The following DPP10 variants were observed in gnomAD, a reference collection of about 807,000 sequenced individuals.
DPP10 encodes the protein dipeptidyl peptidase like 10, also known as inactive dipeptidyl peptidase 10.
Under a neutral mutation model 120.9 loss-of-function variants are expected in DPP10, and 33 were observed. The observed-to-expected ratio is 0.27, with a 90% confidence interval of 0.21 to 0.37. The LOEUF is 0.37. Ranked by LOEUF, DPP10 falls within the 10% of genes least tolerant of loss-of-function variation. The pLI is 1.00. For missense variants in DPP10, 816 were observed against 942.8 expected (o/e 0.87, Z 1.76); for synonymous variants, 337 against 326.1 (o/e 1.03, Z -0.36).
chr2:115,570,116 C>G (rs1257713875), intron 5 of DPP10, among the ~76,000 whole-genome samples: 1 of 152,148 alleles, frequency 6.6e-6, no homozygotes, highest in Non-Finnish European at 1.5e-5. Flanking sequence ...TCTGAGGAGT[C>G]TTTATTCCTG....
At chr2:115,321,472 T>A (rs911566635) in intron 2 of DPP10, among the ~76,000 whole-genome samples, 1 of 151,532 alleles carries the variant, frequency 6.6e-6, no homozygotes, top group African/African-American at 2.4e-5. Context: ...TCTTATCTTC[T>A]GCGTATTTTA....
chr2:115,189,482 AC>A (rs1238832112), intron 1 of DPP10, among the ~76,000 whole-genome samples: 1 of 152,206 alleles, frequency 6.6e-6, no homozygotes, highest in Non-Finnish European at 1.5e-5. Context: ...GGTGAAGAGA[AC>A]CAGGAAGTTA....
intron 1 of DPP10, among the ~76,000 whole-genome samples, chr2:114,596,324 A>T (rs1296975437): frequency 2.0e-5 from 3 of 151,856 alleles, no homozygotes; most frequent in Non-Finnish European, 4.4e-5. Flanking sequence ...CCCTATATAT[A>T]TTCATGGTGA....
intron 1 of DPP10, among the ~76,000 whole-genome samples, chr2:114,834,228 G>C (rs1344835757): frequency 1.0e-5 from 1 of 97,394 alleles, no homozygotes; most frequent in Non-Finnish European, 2.1e-5. Context: ...TATATATATA[G>C]GCCATATCTA....
intron 1 of DPP10, among the ~76,000 whole-genome samples, chr2:114,562,593 G>T (rs1688854557): frequency 6.6e-6 from 1 of 152,124 alleles, no homozygotes; most frequent in Non-Finnish European, 1.5e-5. Flanking sequence ...CCATTTTACA[G>T]CCTGTAAAGT....
intron 5 of DPP10, among the ~76,000 whole-genome samples, chr2:115,632,771 G>T (rs1403865166): frequency 6.6e-6 from 1 of 152,124 alleles, no homozygotes; most frequent in African/African-American, 2.4e-5. Flanking sequence ...GTGGGCAAAG[G>T]ATATGAACAG....
chr2:115,223,081 G>T (rs1390068909), intron 1 of DPP10, among the ~76,000 whole-genome samples: 1 of 152,000 alleles, frequency 6.6e-6, no homozygotes, highest in Admixed American at 6.6e-5. Flanking sequence ...AGGGGTTGGG[G>T]CTTCCTTGCT....
chr2:115,607,908 AATTTT>A (rs1324455816), intron 5 of DPP10, among the ~76,000 whole-genome samples: 1 of 152,200 alleles, frequency 6.6e-6, no homozygotes, highest in Non-Finnish European at 1.5e-5. Flanking sequence ...CTTAAAGATT[AATTTT>A]AGAATACTTA....
chr2:115,433,720 T>C (rs1371562441), intron 3 of DPP10, among the ~76,000 whole-genome samples: 1 of 152,006 alleles, frequency 6.6e-6, no homozygotes, highest in African/African-American at 2.4e-5. Flanking sequence ...TCAGTATTTT[T>C]CTCCTGGAGT....
intron 1 of DPP10, among the ~76,000 whole-genome samples, chr2:115,045,651 G>T (rs1705007998): frequency 6.6e-6 from 1 of 152,058 alleles, no homozygotes; most frequent in South Asian, 2.1e-4. Flanking sequence ...CCAGACCAGG[G>T]GACGGCGGAG....
intron 21 of DPP10, among the ~76,000 whole-genome samples, chr2:115,817,210 G>A (rs760111078): frequency 2.6e-5 from 4 of 151,696 alleles, no homozygotes; most frequent in Non-Finnish European, 5.9e-5. Flanking sequence ...TCGAGCCACC[G>A]CACTCCAGCC....
chr2:114,846,246 C>T (rs1019503522), intron 1 of DPP10, among the ~76,000 whole-genome samples: 2 of 152,152 alleles, frequency 1.3e-5, no homozygotes, highest in Non-Finnish European at 2.9e-5. Flanking sequence ...AATGCTGTCT[C>T]ACCCCAATGA....
intron 2 of DPP10, among the ~76,000 whole-genome samples, chr2:115,312,728 C>G (rs887272172): frequency 1.1e-4 from 17 of 152,124 alleles, no homozygotes; most frequent in Non-Finnish European, 2.1e-4. Context: ...ATTAAACATG[C>G]AGCATCATCC....
At chr2:115,240,604 T>TTC (rs1404085619) in intron 1 of DPP10, among the ~76,000 whole-genome samples, 1 of 152,324 alleles carries the variant, frequency 6.6e-6, no homozygotes, top group Non-Finnish European at 1.5e-5. Context: ...TGCTCATAGT[T>TTC]TCTTTTGCTG....
At chr2:114,604,419 G>A (rs554516417) in intron 1 of DPP10, among the ~76,000 whole-genome samples, 11 of 151,996 alleles carry the variant, frequency 7.2e-5, no homozygotes, top group Non-Finnish European at 1.0e-4. Flanking sequence ...ACATAGTTGC[G>A]TGCCAGGACA....
At chr2:115,828,100 A>G (rs1464770390) in intron 21 of DPP10, among the ~76,000 whole-genome samples, 23 of 151,842 alleles carry the variant, frequency 1.5e-4, no homozygotes, top group Admixed American at 1.5e-3. Context: ...TCCAGCTCTA[A>G]TGTGTCTTTA....
intron 1 of DPP10, among the ~76,000 whole-genome samples, chr2:114,463,617 G>A (rs990911012): frequency 6.6e-6 from 1 of 152,106 alleles, no homozygotes; most frequent in Non-Finnish European, 1.5e-5. Context: ...GTCGAAGTGT[G>A]CATTTCATCC....
At chr2:114,448,331 G>C (rs932483764) in intron 1 of DPP10, among the ~76,000 whole-genome samples, 6 of 152,242 alleles carry the variant, frequency 3.9e-5, no homozygotes, top group African/African-American at 1.2e-4. Flanking sequence ...AAAGTAATGT[G>C]TTAATACTTT....
intron 5 of DPP10, among the ~76,000 whole-genome samples, chr2:115,598,301 A>G (rs1245707285): frequency 2.0e-5 from 3 of 151,892 alleles, no homozygotes; most frequent in African/African-American, 4.8e-5. Flanking sequence ...ACTGGTTTCT[A>G]TGATGGTCAT....
Sources: allele counts gnomAD v4.1 joint callset (sites outside exome capture counted in the v4.1 genomes callset), GRCh38; gene constraint gnomAD v4.1.1; transcripts MANE v1.5; gene names NCBI Gene and HGNC (gene_info 2026-07-23, HGNC 2026-07-21).